PDZD2: variants seen among roughly 807,000 people sequenced by gnomAD.
The protein encoded by PDZD2 is PDZ domain containing 2.
Under a neutral mutation model 220.7 loss-of-function variants are expected in PDZD2, and 90 were observed. The ratio of observed to expected loss-of-function variants is 0.41; its 90% CI spans 0.34 to 0.49. The LOEUF is 0.49. Ranked by LOEUF, PDZD2 falls within the 20% of genes least tolerant of loss-of-function variation. The pLI is 0.28. For missense variants in PDZD2, 3,174 were observed against 3,608.5 expected (o/e 0.88, Z 3.08); for synonymous variants, 1,375 against 1,450.5 (o/e 0.95, Z 1.18).
chr5:32,094,336 G>A (rs283104), intron 21 of PDZD2, among the ~76,000 whole-genome samples: 5 of 152,200 alleles, frequency 3.3e-5, no homozygotes, highest in African/African-American at 4.8e-5. Flanking sequence ...GGGGCTATAC[G>A]TAGAGATTTG....
In PDZD2 at chr5:32,098,578, C is replaced by T; in HGVS notation, c.8162C>T (p.Thr2721Ile). 10 of 1,614,108 alleles carry T rather than the reference C, an allele frequency of 6.2e-6. No homozygotes were observed. The highest frequency in any genetic ancestry group is 2.2e-5 in the East Asian group (1 of 44,888). Residue 2721 changes from threonine to isoleucine, a missense_variant, in exon 23 of 25, where the codon ACA becomes ATA. By Grantham distance (89) the Thr-to-Ile change is moderately conservative (BLOSUM62 -1). This residue lies in a region of PDZD2 where 631 missense variants were observed against 789.9 expected (regional missense o/e 0.80). Coordinates refer to ENST00000438447, the MANE Select transcript of PDZD2 (RefSeq NM_178140.4). The surrounding 1 kb of genome is among the most constrained non-coding windows in gnomAD (Gnocchi z 4.1). Reference protein sequence around the residue: ...PRPSARQEPPTANGKGLLSRK... With the variant: ...PRPSARQEPPIANGKGLLSRK... Reference sequence around the variant, plus strand: ...CCCTCTGCCCGGCAGGAGCCTCCCACAGCCAATGGGAAGGGTTTGCTGTCC... The same window carrying T: ...CCCTCTGCCCGGCAGGAGCCTCCCATAGCCAATGGGAAGGGTTTGCTGTCC...
At chr5:31,978,776 G>T (rs979781282) in intron 2 of PDZD2, among the ~76,000 whole-genome samples, 1 of 151,586 alleles carries the variant, frequency 6.6e-6, no homozygotes, top group African/African-American at 2.4e-5. Flanking sequence ...CCAGCTTGCT[G>T]CAGCATCCGT....
chr5:31,858,968 G>A (rs1170990110), intron 2 of PDZD2, among the ~76,000 whole-genome samples: 2 of 152,072 alleles, frequency 1.3e-5, no homozygotes, highest in African/African-American at 4.8e-5. Context: ...ATCCGCCTCA[G>A]CCTCCCAAAG....
chr5:32,092,872 C>A, intron 20 of PDZD2, 35 bp from the exon 21 acceptor site: 1 of 1,088,738 alleles, frequency 9.2e-7, no homozygotes, highest in Non-Finnish European at 1.4e-6. Flanking sequence ...TTGCTTTTTT[C>A]TTTAATGTTC....
intron 2 of PDZD2, among the ~76,000 whole-genome samples, chr5:31,962,116 A>T (rs1748300006): frequency 6.6e-6 from 1 of 152,216 alleles, no homozygotes; most frequent in African/African-American, 2.4e-5. Flanking sequence ...TTTTTTGAAG[A>T]TGTTCCCAAT....
intron 1 of PDZD2, among the ~76,000 whole-genome samples, chr5:31,683,151 T>A (rs1217104226): frequency 6.9e-6 from 1 of 144,478 alleles, no homozygotes; most frequent in Non-Finnish European, 1.5e-5. Flanking sequence ...TGGCTTTGGG[T>A]ACAGGCTGCT....
At chr5:31,818,688 A>G (rs1294714311) in intron 2 of PDZD2, among the ~76,000 whole-genome samples, 1 of 152,114 alleles carries the variant, frequency 6.6e-6, no homozygotes, top group Non-Finnish European at 1.5e-5. Flanking sequence ...TTATAATTCT[A>G]TCACTTAATT....
chr5:31,893,400 G>C (rs181074822), intron 2 of PDZD2, among the ~76,000 whole-genome samples: 4 of 152,066 alleles, frequency 2.6e-5, no homozygotes, highest in Non-Finnish European at 4.4e-5. Context: ...GTGAAAACCC[G>C]TCTCTACAAA....
chr5:31,865,296 GTTGTTT>G (rs1456466961), intron 2 of PDZD2, among the ~76,000 whole-genome samples: 1 of 151,884 alleles, frequency 6.6e-6, no homozygotes. Flanking sequence ...CTTTTTTGTT[GTTGTTT>G]TTGTTTTGTT....
chr5:31,945,164 C>T (rs1308006647), intron 2 of PDZD2, among the ~76,000 whole-genome samples: 1 of 152,138 alleles, frequency 6.6e-6, no homozygotes, highest in Non-Finnish European at 1.5e-5. Context: ...CTCCAGAACC[C>T]CGAGATCTGA....
chr5:31,794,965 A>G (rs932531118), intron 1 of PDZD2, among the ~76,000 whole-genome samples: 1 of 152,170 alleles, frequency 6.6e-6, no homozygotes, highest in Non-Finnish European at 1.5e-5. Flanking sequence ...CAAGGTCTAG[A>G]TAAACCAGAG....
chr5:31,900,448 GACTTCGGGCCTGGAACAAGGAT>G (rs1460414431), intron 2 of PDZD2, among the ~76,000 whole-genome samples: 1 of 152,186 alleles, frequency 6.6e-6, no homozygotes, highest in East Asian at 1.9e-4. Flanking sequence ...ATAGGGGAGG[GACTTCGGGCCTGGAACAAGGAT>G]CAGCTCCAGG....
rs1743978165 is a variant in PDZD2 at position 32,098,834 on chromosome 5, C to T, written c.8218+200C>T. On this transcript the variant is annotated intron_variant, in intron 23 of 24. Transcript: ENST00000438447. This position sits in a 1 kb window ranked among gnomAD's most constrained non-coding sequence, Gnocchi z 4.1. The stretch of plus-strand genomic sequence containing the variant: ...AAAAAAATTAGAAAATTAGAAAAAT[C>T]CCCCCAGTAGTTCAAGCTGTACTGT... Among the ~76,000 whole-genome samples the T allele has an allele frequency of 1.3e-5, 2 of 152,140 alleles. No individual in the cohort carries two copies. The highest frequency in any genetic ancestry group is 4.8e-5 in the African/African-American group (2 of 41,436).
intron 6 of PDZD2, among the ~76,000 whole-genome samples, chr5:32,031,609 G>C (rs762582143): frequency 2.6e-5 from 4 of 152,088 alleles, no homozygotes; most frequent in Admixed American, 6.5e-5. Context: ...CTTTCCATAG[G>C]TATGAAGTTG....
chr5:31,950,780 C>T (rs139766923), intron 2 of PDZD2, among the ~76,000 whole-genome samples: 116 of 152,312 alleles, frequency 7.6e-4, no homozygotes, highest in African/African-American at 2.7e-3. Context: ...TTCCTAATCC[C>T]CAGTCTCTGG....
chr5:31,748,237 T>C lies in PDZD2; in HGVS notation c.-360-50652T>C, dbSNP rs535469322. On this transcript the variant is annotated intron_variant, in intron 1 of 24. Coordinates refer to ENST00000438447, the MANE Select transcript of PDZD2 (RefSeq NM_178140.4). ...AATATCCTTGACCTACCACGACATA[T>C]TCATTTTTTTGTTTTGCTGTTGTTG... Among the ~76,000 whole-genome samples the C allele has an allele frequency of 2.1e-5, 3 of 146,212 alleles. No homozygotes were observed. In the South Asian group the frequency reaches 6.6e-4, roughly 32 times the overall value.
chr5:32,059,682 T>C (rs1739495603), intron 13 of PDZD2, among the ~76,000 whole-genome samples: 1 of 152,250 alleles, frequency 6.6e-6, no homozygotes, highest in Admixed American at 6.5e-5. Flanking sequence ...TCATTTTATA[T>C]TCACATATAT....
At chr5:31,642,208 G>T (rs1744975951) in intron 1 of PDZD2, among the ~76,000 whole-genome samples, 1 of 152,218 alleles carries the variant, frequency 6.6e-6, no homozygotes, top group African/African-American at 2.4e-5. Flanking sequence ...AAGAGAGGCT[G>T]AATCTCTTTA....
chr5:31,667,153 T>G (rs541294564), intron 1 of PDZD2, among the ~76,000 whole-genome samples: 4 of 145,742 alleles, frequency 2.7e-5, no homozygotes, highest in African/African-American at 5.1e-5. Context: ...GGAGAATGGC[T>G]TGAACCCAGG....
Sources: gnomAD v4.1 joint callset for allele counts (sites outside exome capture counted in the v4.1 genomes callset) on GRCh38, gnomAD v4.1.1 for gene constraint, gnomAD v4.1.1 regional missense constraint, Gnocchi (gnomAD v3.1) non-coding constraint, MANE v1.5 for transcripts, NCBI Gene and HGNC (gene_info 2026-07-23, HGNC 2026-07-21) for gene names.